GRIK2: variants seen among roughly 807,000 people sequenced by gnomAD.
GRIK2 encodes the protein glutamate receptor ionotropic, kainate 2.
A neutral mutation model predicts 100.3 loss-of-function variants in GRIK2; 32 were observed. That is an observed-to-expected ratio of 0.32 (90% confidence interval 0.24 to 0.43). GRIK2 has a LOEUF of 0.43. Among genes scored for constraint, GRIK2 ranks in the 20% least tolerant of loss-of-function variants. GRIK2 has a pLI of 1.00. For missense variants in GRIK2, 843 were observed against 1,114.9 expected, an observed-to-expected ratio of 0.76 and a Z score of 3.47; for synonymous variants, 417 against 389.4, an observed-to-expected ratio of 1.07 and a Z score of -0.83.
intron 11 of GRIK2, among the ~76,000 whole-genome samples, chr6:101,868,915 G>A (rs1378125084): frequency 6.6e-6 from 1 of 151,812 alleles, no homozygotes; most frequent in Non-Finnish European, 1.5e-5. Flanking sequence ...CAAACCCTGG[G>A]TGAGATGAAC....
intron 14 of GRIK2, among the ~76,000 whole-genome samples, chr6:102,007,407 T>C (rs774529805): frequency 1.3e-4 from 20 of 152,292 alleles, no homozygotes; most frequent in Non-Finnish European, 2.6e-4. Flanking sequence ...AATATTTAAA[T>C]GCAGGGTTTG....
At chr6:101,702,657 A>G (rs1296664221) in intron 7 of GRIK2, among the ~76,000 whole-genome samples, 1 of 151,948 alleles carries the variant, frequency 6.6e-6, no homozygotes, top group Non-Finnish European at 1.5e-5. Context: ...TGGTACATAG[A>G]AAATATAAAC....
At chr6:102,003,975 C>G (rs2114274204) in intron 14 of GRIK2, among the ~76,000 whole-genome samples, 1 of 151,116 alleles carries the variant, frequency 6.6e-6, no homozygotes, top group African/African-American at 2.4e-5. Context: ...TCTTTTTTCT[C>G]TCTTATTAAT....
intron 11 of GRIK2, among the ~76,000 whole-genome samples, chr6:101,869,364 A>G (rs1785244987): frequency 2.0e-5 from 3 of 151,914 alleles, no homozygotes; most frequent in Admixed American, 6.6e-5. Context: ...GTATGCTAAT[A>G]TGTAATTACA....
At chr6:101,568,911 CTA>C (rs1334528903) in intron 2 of GRIK2, among the ~76,000 whole-genome samples, 1 of 83,432 alleles carries the variant, frequency 1.2e-5, no homozygotes, top group Non-Finnish European at 2.4e-5. Context: ...TGTCATATAA[CTA>C]TGTTCCTTTT....
chr6:101,791,071 TA>T (rs1452555457), intron 7 of GRIK2, among the ~76,000 whole-genome samples: 4 of 152,204 alleles, frequency 2.6e-5, no homozygotes, highest in Non-Finnish European at 5.9e-5. Context: ...TATCATTTTT[TA>T]TTGCGTCTAT....
intron 14 of GRIK2, among the ~76,000 whole-genome samples, chr6:102,012,695 G>C (rs1795612109): frequency 6.6e-6 from 1 of 152,042 alleles, no homozygotes; most frequent in Non-Finnish European, 1.5e-5. Flanking sequence ...TATTAACTTT[G>C]AATCCTAAAA....
intron 15 of GRIK2, among the ~76,000 whole-genome samples, chr6:102,044,325 A>T (rs1358925770): frequency 6.6e-6 from 1 of 151,918 alleles, no homozygotes; most frequent in Non-Finnish European, 1.5e-5. Context: ...CTAACTCCTA[A>T]CAATGTCATG....
chr6:101,736,855 T>A (rs961211700), intron 7 of GRIK2, among the ~76,000 whole-genome samples: 1 of 152,232 alleles, frequency 6.6e-6, no homozygotes, highest in African/African-American at 2.4e-5. Flanking sequence ...ATTGTCAGAC[T>A]GGCTGCAAAT....
intron 14 of GRIK2, among the ~76,000 whole-genome samples, chr6:102,006,398 T>A: frequency 7.2e-6 from 1 of 138,944 alleles, no homozygotes; most frequent in South Asian, 2.2e-4. Flanking sequence ...ATATTTTTTT[T>A]TTTTTTGAGA....
chr6:101,479,204 G>A (rs577828676), intron 2 of GRIK2, among the ~76,000 whole-genome samples: 17 of 152,222 alleles, frequency 1.1e-4, no homozygotes, highest in South Asian at 6.2e-4. Flanking sequence ...TTTCTTTGAC[G>A]TAATTTTTCT....
At position 101,837,798 on chromosome 6, in the gene GRIK2, T is replaced by C. The variant is rs148047079; in HGVS notation, c.1317+19315T>C. Among the ~76,000 whole-genome samples, 5 of 152,278 alleles carry C rather than the reference T, an allele frequency of 3.3e-5. No individual in the cohort carries two copies. In the East Asian group the frequency reaches 9.7e-4, roughly 29 times the overall value. On this transcript the variant is annotated intron_variant, in intron 10 of 16. Coordinates refer to ENST00000369134, the MANE Select transcript of GRIK2 (RefSeq NM_021956.5). ...ATTATGGACCTCTGAACACGGACTT[T>C]TGTTGGGGAGAAGAATGAAATATTT...
chr6:101,603,143 A>G (rs1350400706), intron 2 of GRIK2, among the ~76,000 whole-genome samples: 1 of 147,950 alleles, frequency 6.8e-6, no homozygotes, highest in East Asian at 2.0e-4. Flanking sequence ...CTTATCATAT[A>G]CCTGAAAACA....
chr6:101,829,993 A>G (rs899751854), intron 10 of GRIK2, among the ~76,000 whole-genome samples: 4 of 152,080 alleles, frequency 2.6e-5, no homozygotes, highest in African/African-American at 4.8e-5. Context: ...AAAAGAGAAA[A>G]GCCAGAGGCA....
At chr6:101,635,349 T>A (rs188783672) in intron 4 of GRIK2, among the ~76,000 whole-genome samples, 16 of 151,592 alleles carry the variant, frequency 1.1e-4, no homozygotes, top group African/African-American at 3.4e-4. Context: ...TAGAAAAAAG[T>A]TAACTCAAGA....
chr6:101,516,490 G>A (rs1244045106), intron 2 of GRIK2, among the ~76,000 whole-genome samples: 1 of 151,994 alleles, frequency 6.6e-6, no homozygotes, highest in East Asian at 1.9e-4. Context: ...AGTGGGGAAA[G>A]GGCACCCTTT....
intron 5 of GRIK2, among the ~76,000 whole-genome samples, chr6:101,677,983 A>G (rs919978731): frequency 5.9e-5 from 9 of 152,176 alleles, no homozygotes; most frequent in Non-Finnish European, 8.8e-5. Flanking sequence ...TTGGCAACAA[A>G]TAAAACAACG....
At chr6:101,751,012 A>G (rs1776753159) in intron 7 of GRIK2, among the ~76,000 whole-genome samples, 1 of 152,188 alleles carries the variant, frequency 6.6e-6, no homozygotes, top group Admixed American at 6.5e-5. Context: ...TTGAAGCAAA[A>G]CATTGAGACC....
rs1401805686 is a variant in GRIK2 at position 102,055,323 on chromosome 6, T to C, written c.2312-7T>C. 6.2e-7 allele frequency: 1 copy of C among 1,604,174 alleles called. No individual in the cohort carries two copies. The highest frequency in any genetic ancestry group is 1.3e-5 in the African/African-American group (1 of 74,770). ...TGAAATACTTAACATAACCTCTCCT[T>C]TCTTAGGTTCTCCATATCGAGACAA... is the stretch of plus-strand genomic sequence containing the variant. On this transcript the variant is annotated splice_region_variant and splice_polypyrimidine_tract_variant and intron_variant, in intron 15 of 16. Transcript: ENST00000369134.
Sources: allele counts gnomAD v4.1 joint callset (sites outside exome capture counted in the v4.1 genomes callset), GRCh38; gene constraint gnomAD v4.1.1; transcripts MANE v1.5; gene names NCBI Gene and HGNC (gene_info 2026-07-23, HGNC 2026-07-21).